Variants in DCHS2 observed in about 807,000 individuals in gnomAD.
DCHS2 encodes the protein dachsous cadherin-related 2.
DCHS2 carries 142 observed loss-of-function variants against 182.4 expected under a neutral mutation model. That is an observed-to-expected ratio of 0.78 (90% confidence interval 0.68 to 0.89). DCHS2 has a LOEUF of 0.89. Among genes scored for constraint, DCHS2 ranks in the 40% least tolerant of loss-of-function variants. The pLI is 0.00. For missense variants in DCHS2, 4,319 were observed against 4,198.6 expected (o/e 1.03, Z -0.79); for synonymous variants, 1,740 against 1,663.3 (o/e 1.05, Z -1.12).
At chr4:154,357,087 T>G (rs915668575) in intron 3 of DCHS2, 3 of 612,200 alleles carry the variant, frequency 4.9e-6, no homozygotes, top group Non-Finnish European at 8.9e-6. Context: ...CAAGCGCTAG[T>G]AAAATAATCT....
chr4:154,393,041 T>A (rs1208879672), intron 1 of DCHS2, among the ~76,000 whole-genome samples: 1 of 152,220 alleles, frequency 6.6e-6, no homozygotes, highest in Non-Finnish European at 1.5e-5. Context: ...TTCATCTTAC[T>A]GAGTTATTGT....
chr4:154,335,134 C>T, intron 3 of DCHS2, 30 bp from the exon 4 acceptor site: 4 of 1,370,592 alleles, frequency 2.9e-6, no homozygotes, highest in Non-Finnish European at 4.2e-6. Flanking sequence ...CATTGGTAAA[C>T]AGATAACATG....
intron 1 of DCHS2, among the ~76,000 whole-genome samples, chr4:154,456,204 C>T (rs1734759896): frequency 6.6e-6 from 1 of 152,164 alleles, no homozygotes; most frequent in Non-Finnish European, 1.5e-5. Flanking sequence ...AGGAGTCTGT[C>T]TTCGCTGCTA....
At chr4:154,406,244 T>G (rs1024757041) in intron 1 of DCHS2, among the ~76,000 whole-genome samples, 5 of 152,220 alleles carry the variant, frequency 3.3e-5, no homozygotes, top group Non-Finnish European at 5.9e-5. Context: ...GCAACTTCCT[T>G]TTCTCTAGCA....
Position 154,491,447 on chromosome 4 carries a change from C to T in DCHS2, c.-92G>A. On this transcript the variant is annotated 5_prime_UTR_variant, in exon 1 of 20. Coordinates refer to ENST00000357232, the MANE Select transcript of DCHS2 (RefSeq NM_001358235.2). ...CCAGGAGCCTCTTCAGTGTCTGAGC[C>T]AGAGAAGAAAAGACTTTGTTTGGCA... 7.0e-7 allele frequency: 1 copy of T among 1,423,868 alleles called. No individual in the cohort carries two copies. Among genetic ancestry groups the T allele is most frequent in the Non-Finnish European group, 9.2e-7 (1 of 1,092,076 alleles). 88.2% of individuals were successfully genotyped at this position (1,423,868 alleles called of 1,614,324 possible).
At chr4:154,361,880 C>T (rs965065865) in intron 3 of DCHS2, among the ~76,000 whole-genome samples, 1 of 151,252 alleles carries the variant, frequency 6.6e-6, no homozygotes, top group Non-Finnish European at 1.5e-5. Flanking sequence ...TTCAGGAAAA[C>T]ACAAGCCTAT....
chr4:154,234,897 T>TTAAA lies in DCHS2; in HGVS notation c.9751_9754dup (p.Asn3252IlefsTer2). 1 of 1,614,022 alleles carries TTAAA rather than the reference T, an allele frequency of 6.2e-7. No individual in the cohort carries two copies. Among genetic ancestry groups the TTAAA allele is most frequent in the Non-Finnish European group, 8.5e-7 (1 of 1,179,950 alleles). On this transcript the variant is annotated stop_gained and frameshift_variant, in exon 20 of 20. Transcript: ENST00000357232. LOFTEE classifies it low-confidence loss of function (END_TRUNC). The stretch of plus-strand genomic sequence containing the variant: ...TTCATCCTTTAGTTTTGCAATATCA[T>TTAAA]TAAATACTGAGGCAAGAGGTTGGAA...
chr4:154,333,479 A>T lies in DCHS2; in HGVS notation c.2729T>A (p.Ile910Asn). ...ATCACCAGAAGAAATCCTGTAAAAG[A>T]TTGGTTCTGAGGAGTCTGAAAAAGA... Reference protein sequence around the residue: ...AREPLNSSEPIFYRISSGDLG... With the variant: ...AREPLNSSEPNFYRISSGDLG... The change falls in exon 5 of 20, where the codon ATC (isoleucine) becomes AAC (asparagine). Residue 910 changes from isoleucine to asparagine, a missense_variant. Transcript: ENST00000357232. 6 of 1,612,688 alleles carry T rather than the reference A, an allele frequency of 3.7e-6. No homozygotes were observed. The highest frequency in any genetic ancestry group is 5.1e-6 in the Non-Finnish European group (6 of 1,179,136).
intron 1 of DCHS2, among the ~76,000 whole-genome samples, chr4:154,468,779 A>G (rs1735339812): frequency 6.6e-6 from 1 of 152,176 alleles, no homozygotes; most frequent in African/African-American, 2.4e-5. Context: ...GCACAGTAGT[A>G]ACATATTACA....
chr4:154,474,702 G>GC (rs11442457), intron 1 of DCHS2, among the ~76,000 whole-genome samples: 138,471 of 152,168 alleles, frequency 0.91, 64,375 homozygotes, highest in East Asian at 1. Flanking sequence ...CCACTTACTA[G>GC]TGGAGAATTT....
chr4:154,327,795 C>G (rs921942895), intron 7 of DCHS2, among the ~76,000 whole-genome samples: 4 of 152,266 alleles, frequency 2.6e-5, no homozygotes, highest in African/African-American at 9.6e-5. Flanking sequence ...ACTTTCCTAT[C>G]AATAAAAGTA....
intron 3 of DCHS2, chr4:154,354,702 T>C (rs1729778481): frequency 6.6e-6 from 1 of 152,174 alleles, no homozygotes; most frequent in African/African-American, 2.4e-5. Context: ...CCTTAGTTCC[T>C]TAATAATCAA....
chr4:154,238,875 G>T (rs772866685), intron 19 of DCHS2, among the ~76,000 whole-genome samples: 8 of 152,086 alleles, frequency 5.3e-5, no homozygotes, highest in South Asian at 4.1e-4. Flanking sequence ...ACTGTGCTTG[G>T]TTGGACGGAT....
In DCHS2 at chr4:154,343,755, G is replaced by A. The variant is rs189836410; in HGVS notation, c.2477-8651C>T. ...CACTCAAACTTTCTGACTCAGCAATGAGTCTCTTTTGCTTTCTTATCATTT... is the reference window on the plus strand; with the variant it reads ...CACTCAAACTTTCTGACTCAGCAATAAGTCTCTTTTGCTTTCTTATCATTT... On this transcript the variant is annotated intron_variant, in intron 3 of 19. Coordinates refer to ENST00000357232, the MANE Select transcript of DCHS2 (RefSeq NM_001358235.2). 22 of 1,094,666 alleles carry A rather than the reference G, an allele frequency of 2.0e-5. No homozygotes were observed. In the East Asian group the frequency reaches 7.0e-4, roughly 35 times the overall value. The allele number at this position is 1,094,666 out of a possible 1,614,324, so 67.8% of individuals were successfully genotyped here.
chr4:154,446,932 A>G (rs951470695), intron 1 of DCHS2, among the ~76,000 whole-genome samples: 5 of 151,102 alleles, frequency 3.3e-5, no homozygotes, highest in African/African-American at 1.2e-4. Context: ...AGGTGTATAG[A>G]ACTACACACA....
At position 154,236,250 on chromosome 4, in the gene DCHS2, T is replaced by C; in HGVS notation, c.8402A>G (p.Tyr2801Cys). The stretch of plus-strand genomic sequence containing the variant: ...TACAATAGAATAGGTCAATTCTCCA[T>C]ACGGACCAGCATCAAAATCCAGAGC... Reference protein sequence around the residue: ...INALDFDAGPYGELTYSIVSP... With the variant: ...INALDFDAGPCGELTYSIVSP... Residue 2801 changes from tyrosine to cysteine, a missense_variant, in exon 20 of 20, where the codon TAT (tyrosine) becomes TGT (cysteine). Tyr to Cys is a radical substitution (Grantham distance 194). Transcript: ENST00000357232. 1 of 1,614,020 alleles carries C rather than the reference T, an allele frequency of 6.2e-7. No individual in the cohort carries two copies.
At position 154,236,728 on chromosome 4, in the gene DCHS2, A is replaced by G. The variant is rs1378575946; in HGVS notation, c.7924T>C (p.Cys2642Arg). The change falls in exon 20 of 20, where the codon TGC becomes CGC. Residue 2642 changes from cysteine (C) to arginine (R), a missense_variant. Coordinates refer to ENST00000357232, the MANE Select transcript of DCHS2 (RefSeq NM_001358235.2). ...ELVILASDSGCPPLSSTAVIS... is the reference protein window; with the variant it reads ...ELVILASDSGRPPLSSTAVIS... ...ACAGCTGTGGAACTCAATGGAGGGC[A>G]GCCACTGTCAGATGCCAGAATGACA... 5 of 1,614,022 alleles carry G rather than the reference A, an allele frequency of 3.1e-6. No individual in the cohort carries two copies. Among genetic ancestry groups the G allele is most frequent in the Non-Finnish European group, 8.5e-7 (1 of 1,179,972 alleles).
At chr4:154,321,694 G>A (rs1004923450) in intron 8 of DCHS2, among the ~76,000 whole-genome samples, 1 of 152,130 alleles carries the variant, frequency 6.6e-6, no homozygotes, top group Admixed American at 6.5e-5. Flanking sequence ...ATACCCTTAA[G>A]CAGTAAAGAA....
Position 154,491,726 on chromosome 4 carries a change from A to G in DCHS2, c.-371T>C, listed in dbSNP as rs1463126882. 1 of 1,050,000 alleles carries G rather than the reference A, an allele frequency of 9.5e-7. No individual in the cohort carries two copies. The highest frequency in any genetic ancestry group is 1.7e-5 in the African/African-American group (1 of 59,248). The allele number at this position is 1,050,000 out of a possible 1,614,324, so 65.0% of individuals were successfully genotyped here. On this transcript the variant is annotated 5_prime_UTR_variant, in exon 1 of 20. Coordinates refer to ENST00000357232, the MANE Select transcript of DCHS2 (RefSeq NM_001358235.2). ...AGTCAGGTGCATTATTTCTTTTGCC[A>G]AAAAGGAGGAGATTATATGAAGCGC...
Sources: allele counts gnomAD v4.1 joint callset (sites outside exome capture counted in the v4.1 genomes callset), GRCh38; gene constraint gnomAD v4.1.1; transcripts MANE v1.5; gene names NCBI Gene and HGNC (gene_info 2026-07-23, HGNC 2026-07-21).